The following ATP8B4 variants were observed in gnomAD, a reference collection of about 807,000 sequenced individuals.
ATP8B4 encodes probable phospholipid-transporting ATPase IM.
A neutral mutation model predicts 145.6 loss-of-function variants in ATP8B4; 133 were observed. That is an observed-to-expected ratio of 0.91 (90% CI 0.79 to 1.05). The LOEUF is 1.05. ATP8B4 is among the 50% of genes least tolerant of loss of function. ATP8B4 has a pLI of 0.00. For synonymous variants in ATP8B4, 507 were observed against 492.9 expected, an observed-to-expected ratio of 1.03 and a Z score of -0.38; for missense variants, 1,458 against 1,425.2, an observed-to-expected ratio of 1.02 and a Z score of -0.37.
At chr15:50,121,755 G>A (rs1362094103), upstream of ATP8B4, among the ~76,000 whole-genome samples, 1 of 152,016 alleles carries the variant, frequency 6.6e-6, no homozygotes, top group East Asian at 1.9e-4. Flanking sequence ...CTGTCAGAAC[G>A]CCAGGTCTGT....
At chr15:50,162,788 G>A (rs945154295) in intron 1 of ATP8B4, among the ~76,000 whole-genome samples, 1 of 152,122 alleles carries the variant, frequency 6.6e-6, no homozygotes. Context: ...TTACAGGCGT[G>A]AGCCACCGCG....
intron 3 of ATP8B4, among the ~76,000 whole-genome samples, chr15:50,056,624 T>A (rs2052616112): frequency 1.3e-5 from 2 of 151,870 alleles, no homozygotes; most frequent in South Asian, 4.2e-4. Flanking sequence ...AAAAAAGAAC[T>A]TCATGTATAT....
chr15:50,128,390 C>G (rs1013326793), intron 1 of ATP8B4, among the ~76,000 whole-genome samples: 2 of 152,254 alleles, frequency 1.3e-5, no homozygotes, highest in South Asian at 4.1e-4. Context: ...GTATGGAACA[C>G]TGGAGGAGAA....
chr15:50,147,919 G>C (rs1350898166), intron 1 of ATP8B4, among the ~76,000 whole-genome samples: 1 of 152,184 alleles, frequency 6.6e-6, no homozygotes, highest in Non-Finnish European at 1.5e-5. Context: ...GGAAATTGGG[G>C]CGTAAAAGAA....
intron 6 of ATP8B4, among the ~76,000 whole-genome samples, chr15:50,036,041 T>G (rs868727620): frequency 2.4e-4 from 37 of 152,146 alleles, no homozygotes; most frequent in African/African-American, 8.7e-4. Flanking sequence ...ATGCCAAGGA[T>G]AGGGCCAAAA....
chr15:50,056,694 T>C (rs1269173173), intron 3 of ATP8B4, among the ~76,000 whole-genome samples: 1 of 140,570 alleles, frequency 7.1e-6, no homozygotes, highest in African/African-American at 3.0e-5. Flanking sequence ...TATGTATATG[T>C]ATATGTGTAT....
intron 2 of ATP8B4, among the ~76,000 whole-genome samples, chr15:50,080,399 T>A (rs2054466395): frequency 6.6e-6 from 1 of 152,136 alleles, no homozygotes; most frequent in African/African-American, 2.4e-5. Flanking sequence ...CCTACTTCCC[T>A]GCAAAAAAAG....
chr15:50,031,574 T>G (rs2050447083), intron 6 of ATP8B4, among the ~76,000 whole-genome samples: 1 of 152,204 alleles, frequency 6.6e-6, no homozygotes, highest in Admixed American at 6.5e-5. Flanking sequence ...TTGGGTTTTT[T>G]TTTGTTGCAG....
chr15:50,048,610 A>AG (rs2051914584), intron 3 of ATP8B4, among the ~76,000 whole-genome samples: 1 of 152,002 alleles, frequency 6.6e-6, no homozygotes, highest in East Asian at 1.9e-4. Flanking sequence ...GAGGAGGCTG[A>AG]GGCAGGAGAA....
intron 3 of ATP8B4, among the ~76,000 whole-genome samples, chr15:50,062,958 C>T (rs1184502159): frequency 6.6e-6 from 1 of 151,926 alleles, no homozygotes; most frequent in African/African-American, 2.4e-5. Flanking sequence ...ACACATGGTA[C>T]TAAGTGGTTT....
At chr15:49,891,749 C>A (rs1038490294) in intron 23 of ATP8B4, among the ~76,000 whole-genome samples, 1 of 152,134 alleles carries the variant, frequency 6.6e-6, no homozygotes, top group Non-Finnish European at 1.5e-5. Flanking sequence ...AGATAGCAAG[C>A]AAGTCTTTCT....
intron 26 of ATP8B4, among the ~76,000 whole-genome samples, chr15:49,862,721 C>A (rs1348393345): frequency 1.3e-5 from 2 of 152,164 alleles, no homozygotes; most frequent in African/African-American, 4.8e-5. Context: ...TCCCAAAGTG[C>A]TAGGATTACA....
intron 13 of ATP8B4, among the ~76,000 whole-genome samples, chr15:49,970,645 TC>T (rs2045022426): frequency 2.6e-5 from 4 of 152,224 alleles, no homozygotes; most frequent in Admixed American, 2.6e-4. Flanking sequence ...TGGGAAAACA[TC>T]CCATGCTCAT....
chr15:49,933,907 C>G (rs773441258), intron 15 of ATP8B4, 110 bp downstream of exon 15: 76 of 1,203,324 alleles, frequency 6.3e-5, no homozygotes, highest in Non-Finnish European at 8.0e-5. Flanking sequence ...AAACAAAAAA[C>G]AAGGCTCACT....
chr15:50,149,664 A>G, intron 1 of ATP8B4, among the ~76,000 whole-genome samples: 1 of 152,240 alleles, frequency 6.6e-6, no homozygotes, highest in South Asian at 2.1e-4. Flanking sequence ...TATCAACCTA[A>G]ATAGCAAAGA....
chr15:50,174,821 G>C (rs1414456579), intron 1 of ATP8B4, among the ~76,000 whole-genome samples: 1 of 151,836 alleles, frequency 6.6e-6, no homozygotes, highest in Non-Finnish European at 1.5e-5. Flanking sequence ...AACCAAAAAA[G>C]AGCCCACATA....
At chr15:49,943,409 A>C (rs1364495895) in intron 14 of ATP8B4, among the ~76,000 whole-genome samples, 2 of 152,102 alleles carry the variant, frequency 1.3e-5, no homozygotes, top group Non-Finnish European at 1.5e-5. Flanking sequence ...ACAAACAAAA[A>C]AAAAACCACA....
chr15:49,959,830 T>C (rs2153505741), intron 14 of ATP8B4, among the ~76,000 whole-genome samples: 1 of 152,276 alleles, frequency 6.6e-6, no homozygotes, highest in African/African-American at 2.4e-5. Context: ...CATACTGTGT[T>C]CTTGGATAAG....
At chr15:50,015,466 T>A (rs543080706) in intron 6 of ATP8B4, among the ~76,000 whole-genome samples, 1 of 152,364 alleles carries the variant, frequency 6.6e-6, no homozygotes, top group South Asian at 2.1e-4. Context: ...ACAAAGCCCA[T>A]GCTCTTAATA....
Sources: gnomAD v4.1 joint callset for allele counts (sites outside exome capture counted in the v4.1 genomes callset) on GRCh38, gnomAD v4.1.1 for gene constraint, MANE v1.5 for transcripts, NCBI Gene and HGNC (gene_info 2026-07-23, HGNC 2026-07-21) for gene names.